The following TENT4B variants were observed in gnomAD, a reference collection of about 807,000 sequenced individuals.
TENT4B encodes terminal nucleotidyltransferase 4B.
A neutral mutation model predicts 75.0 loss-of-function variants in TENT4B; 10 were observed. The observed-to-expected ratio is 0.13, with a 90% CI of 0.08 to 0.23. The LOEUF is 0.23. TENT4B is among the 10% of genes least tolerant of loss of function. The pLI, the probability that TENT4B is intolerant of heterozygous loss-of-function variation, is 1.00. For synonymous variants in TENT4B, 350 were observed against 357.7 expected (o/e 0.98, Z 0.24); for missense variants, 579 against 893.8 (o/e 0.65, Z 4.49).
chr16:50,223,486 A>T, intron 7 of TENT4B, 99 bp downstream of exon 7: 1 of 749,812 alleles, frequency 1.3e-6, no homozygotes, highest in African/African-American at 1.8e-5. Flanking sequence ...TGAAGGAACA[A>T]CTTCTAATTG....
Position 50,153,878 on chromosome 16 carries a change from C to T in TENT4B, c.257C>T (p.Ser86Phe). The T allele has an allele frequency of 2.6e-6, 4 of 1,510,576 alleles. No individual in the cohort carries two copies. Among genetic ancestry groups the T allele is most frequent in the Non-Finnish European group, 3.5e-6 (4 of 1,136,774 alleles). 93.6% of individuals were successfully genotyped at this position (1,510,576 alleles called of 1,614,324 possible). A position where few individuals can be genotyped will look rare whatever the true frequency, so the allele number is the denominator to read the frequency against. Residue 86 changes from serine (S) to phenylalanine (F), a missense_variant, in exon 1 of 12, where the codon TCC becomes TTC. Transcript: ENST00000561678. ...PAPAPAGMYRSGERLLGSHAL... is the reference protein window; with the variant it reads ...PAPAPAGMYRFGERLLGSHAL... ...CCGGCCCCGGCCGGCATGTATCGCT[C>T]CGGGGAGCGCCTGCTGGGCAGCCAC...
chr16:50,162,498 G>A (rs971185327), intron 1 of TENT4B, among the ~76,000 whole-genome samples: 10 of 151,860 alleles, frequency 6.6e-5, no homozygotes, highest in African/African-American at 2.4e-4. Flanking sequence ...TTATTTGAGC[G>A]GTTCTAATAT....
chr16:50,181,153 A>G (rs1427091947), intron 1 of TENT4B, among the ~76,000 whole-genome samples: 1 of 152,236 alleles, frequency 6.6e-6, no homozygotes, highest in Non-Finnish European at 1.5e-5. Flanking sequence ...GTCTTGTACA[A>G]AAGTGTTGGG....
chr16:50,209,930 G>T (rs983662309), intron 1 of TENT4B, among the ~76,000 whole-genome samples: 18 of 152,072 alleles, frequency 1.2e-4, no homozygotes, highest in African/African-American at 4.1e-4. Context: ...ACAATTTTTG[G>T]CCTGCCAGTT....
chr16:50,233,328 A>G lies in TENT4B; in HGVS notation c.*4000A>G, dbSNP rs910257258. The G allele has an allele frequency of 2.8e-5, 28 of 985,316 alleles. No individual in the cohort carries two copies. The highest frequency in any genetic ancestry group is 3.0e-5 in the Non-Finnish European group (25 of 829,926). 61.0% of individuals were successfully genotyped at this position (985,316 alleles called of 1,614,324 possible). On this transcript the variant is annotated 3_prime_UTR_variant, in exon 12 of 12. Coordinates refer to ENST00000561678, the MANE Select transcript of TENT4B (RefSeq NM_001365324.3). ...CCATCTTGTCAAAACATTTGTGGGT[A>G]GAATAAGTGTTAAAGATCAAATTTT...
rs2032206785 is a variant in TENT4B at position 50,229,517 on chromosome 16, A to G, written c.*189A>G. On this transcript the variant is annotated 3_prime_UTR_variant, in exon 12 of 12. Coordinates refer to ENST00000561678, the MANE Select transcript of TENT4B (RefSeq NM_001365324.3). ...AACTGCAAAAAAAACAAAACAAAAC[A>G]AAAAAAAAAGCAAGCAAAAAAGAGG... 1 of 1,081,954 alleles carries G rather than the reference A, an allele frequency of 9.2e-7. No individual in the cohort carries two copies. Among genetic ancestry groups the G allele is most frequent in the African/African-American group, 1.7e-5 (1 of 59,734 alleles). 67.0% of individuals were successfully genotyped at this position (1,081,954 alleles called of 1,614,324 possible). A position where few individuals can be genotyped will look rare whatever the true frequency, so the allele number is the denominator to read the frequency against.
rs1381628730 is a variant in TENT4B at position 50,232,969 on chromosome 16, GTTAAAA to G, written c.*3646_*3651del. ...ATTTTGCTGTGATAAATATTGAAAT[GTTAAAA>G]TTAATGAACAGAAGAATTTATTCTT... On this transcript the variant is annotated 3_prime_UTR_variant, in exon 12 of 12. Transcript: ENST00000561678. The G allele has an allele frequency of 5.1e-6, 5 of 984,644 alleles. No individual in the cohort carries two copies. In the East Asian group the frequency reaches 3.4e-4, roughly 67 times the overall value. The allele number at this position is 984,644 out of a possible 1,614,324, so 61.0% of individuals were successfully genotyped here. A position where few individuals can be genotyped will look rare whatever the true frequency, so the allele number is the denominator to read the frequency against.
intron 1 of TENT4B, among the ~76,000 whole-genome samples, chr16:50,156,316 G>C (rs1259562284): frequency 6.6e-6 from 1 of 150,678 alleles, no homozygotes; most frequent in Non-Finnish European, 1.5e-5. Flanking sequence ...TGGGTGCTTA[G>C]AAATTCTTGC....
At chr16:50,219,206 TCACCCTTA>T (rs889403082) in intron 5 of TENT4B, among the ~76,000 whole-genome samples, 2 of 152,250 alleles carry the variant, frequency 1.3e-5, no homozygotes, top group African/African-American at 4.8e-5. Flanking sequence ...GTAAAGTGAG[TCACCCTTA>T]CACCATAGAT....
At chr16:50,165,308 T>G (rs1460801310) in intron 1 of TENT4B, among the ~76,000 whole-genome samples, 1 of 152,074 alleles carries the variant, frequency 6.6e-6, no homozygotes, top group Non-Finnish European at 1.5e-5. Flanking sequence ...TTACCAGACA[T>G]GGATTAAGCT....
chr16:50,165,777 A>G (rs1428534748), intron 1 of TENT4B, among the ~76,000 whole-genome samples: 1 of 152,136 alleles, frequency 6.6e-6, no homozygotes, highest in Admixed American at 6.6e-5. Flanking sequence ...TTATGGCTGA[A>G]TATTTTATTG....
rs567521128 is a variant in TENT4B, at chr16:50,172,757, A to G, written c.638+18498A>G. 8.8e-4 allele frequency among the ~76,000 whole-genome samples: 134 copies of G among 152,234 alleles called. 1 individual carries two copies. The highest frequency in any genetic ancestry group is 3.1e-3 in the African/African-American group (130 of 41,528). The stretch of plus-strand genomic sequence containing the variant: ...TATCATGACATGTATCTAGCATTAT[A>G]GTATCATATTGAGTAGTTTCACTGC... On this transcript the variant is annotated intron_variant, in intron 1 of 11. Coordinates refer to ENST00000561678, the MANE Select transcript of TENT4B (RefSeq NM_001365324.3).
intron 2 of TENT4B, among the ~76,000 whole-genome samples, chr16:50,211,914 T>G (rs1285421569): frequency 6.6e-6 from 1 of 152,170 alleles, no homozygotes; most frequent in Non-Finnish European, 1.5e-5. Context: ...CACGCATAAG[T>G]CTTTTCTTAT....
chr16:50,167,078 G>A (rs2038115257), intron 1 of TENT4B, among the ~76,000 whole-genome samples: 1 of 152,154 alleles, frequency 6.6e-6, no homozygotes, highest in Admixed American at 6.6e-5. Context: ...CATGTCGCTA[G>A]CATGCCCAGC....
intron 2 of TENT4B, among the ~76,000 whole-genome samples, chr16:50,212,945 C>G (rs981377865): frequency 6.6e-6 from 1 of 152,162 alleles, no homozygotes; most frequent in Non-Finnish European, 1.5e-5. Flanking sequence ...CTATCTATCT[C>G]TTTCTCTCCA....
At chr16:50,228,712 A>G (rs886747246) in intron 11 of TENT4B, among the ~76,000 whole-genome samples, 12 of 152,342 alleles carry the variant, frequency 7.9e-5, no homozygotes, top group African/African-American at 2.9e-4. Flanking sequence ...TACCAGTTCA[A>G]GTGACAGGGT....
chr16:50,231,234 A>T lies in TENT4B; in HGVS notation c.*1906A>T. The T allele has an allele frequency of 1.0e-6, 1 of 985,388 alleles. No homozygotes were observed. Among genetic ancestry groups the T allele is most frequent in the Non-Finnish European group, 1.2e-6 (1 of 829,496 alleles). The allele number at this position is 985,388 out of a possible 1,614,324, so 61.0% of individuals were successfully genotyped here. A position where few individuals can be genotyped will look rare whatever the true frequency, so the allele number is the denominator to read the frequency against. Reference sequence around the variant, plus strand: ...AGAGTCACATTTTATTCTGATCAGAATTTTTATTGAGATGTTGAGCTTTTG... The same window carrying T: ...AGAGTCACATTTTATTCTGATCAGATTTTTTATTGAGATGTTGAGCTTTTG... On this transcript the variant is annotated 3_prime_UTR_variant, in exon 12 of 12. Transcript: ENST00000561678.
At position 50,234,732 on chromosome 16, in the gene TENT4B, C is replaced by T. The variant is rs1021741213; in HGVS notation, c.*5404C>T. On this transcript the variant is annotated 3_prime_UTR_variant, in exon 12 of 12. Transcript: ENST00000561678. The stretch of plus-strand genomic sequence containing the variant: ...GTCTCCAGTCTTTACTACTAAAAAG[C>T]AGCACTGCCTTAACACACATTGTTA... 7 of 985,304 alleles carry T rather than the reference C, an allele frequency of 7.1e-6. No individual in the cohort carries two copies. In the African/African-American group the frequency reaches 1.2e-4, roughly 17 times the overall value. 61.0% of individuals were successfully genotyped at this position (985,304 alleles called of 1,614,324 possible).
chr16:50,182,737 G>A (rs1031010717), intron 1 of TENT4B, among the ~76,000 whole-genome samples: 10 of 151,880 alleles, frequency 6.6e-5, no homozygotes, highest in Admixed American at 6.6e-4. Flanking sequence ...TTCCTGAAAA[G>A]TTATTTACTT....
Sources: allele counts gnomAD v4.1 joint callset (sites outside exome capture counted in the v4.1 genomes callset), GRCh38; gene constraint gnomAD v4.1.1; transcripts MANE v1.5; gene names NCBI Gene and HGNC (gene_info 2026-07-23, HGNC 2026-07-21).